Variants in ABCA8 observed in about 807,000 individuals in gnomAD.
ABCA8 encodes the protein ABC-type organic anion transporter ABCA8.
Under a neutral mutation model 192.3 loss-of-function variants are expected in ABCA8, and 177 were observed. The ratio of observed to expected loss-of-function variants is 0.92; its 90% CI spans 0.81 to 1.04. ABCA8 has a LOEUF of 1.04. Ranked by LOEUF, ABCA8 falls within the 50% of genes least tolerant of loss-of-function variation. The probability of loss-of-function intolerance (pLI) is 0.00; values close to 1 mark genes in which losing one functional copy is unlikely to be tolerated. For synonymous variants in ABCA8, 642 were observed against 690.2 expected (o/e 0.93, Z 1.09); for missense variants, 1,915 against 1,904.8 (o/e 1.01, Z -0.10).
In ABCA8 at chr17:68,940,669, A is replaced by T. The variant is rs553223000; in HGVS notation, c.301+89T>A. On this transcript the variant is annotated intron_variant, in intron 4 of 39. Coordinates refer to ENST00000586539, the MANE Select transcript of ABCA8 (RefSeq NM_001288985.2). ...GTACTCCAGAAAGTTTAATTATCAAACTGAAATACAAATTAAATGTATAAA... is the reference window on the plus strand; with the variant it reads ...GTACTCCAGAAAGTTTAATTATCAATCTGAAATACAAATTAAATGTATAAA... The T allele has an allele frequency of 1.7e-4, 209 of 1,238,184 alleles. 2 individuals carry two copies. The East Asian group carries it at 4.9e-3, about 29-fold the overall frequency. The allele number at this position is 1,238,184 out of a possible 1,614,324, so 76.7% of individuals were successfully genotyped here.
Position 68,873,083 on chromosome 17 carries a change from T to C in ABCA8, c.4631+2177A>G, listed in dbSNP as rs889371725. Among the ~76,000 whole-genome samples, 10 of 152,340 alleles carry C rather than the reference T, an allele frequency of 6.6e-5. 1 individual carries two copies. Among genetic ancestry groups the C allele is most frequent in the Admixed American group, 5.2e-4 (8 of 15,306 alleles). On this transcript the variant is annotated intron_variant, in intron 37 of 39. Transcript: ENST00000586539. ...CCAGGCCTTCGCATTCACTCACCAC[T>C]GTCTCACCAATGGTCGCCCAGAGCT...
rs577738270 is a variant in ABCA8, at chr17:68,918,312, T to C, written c.1908+115A>G. Reference sequence around the variant, plus strand: ...GTTAGGATTTAGATACTCTATTTAATGTTCTATTATGAATATTTTATAACA... The same window carrying C: ...GTTAGGATTTAGATACTCTATTTAACGTTCTATTATGAATATTTTATAACA... On this transcript the variant is annotated intron_variant, in intron 15 of 39. Transcript: ENST00000586539. 1.6e-5 allele frequency: 23 copies of C among 1,464,480 alleles called. No homozygotes were observed. The Admixed American group carries it at 4.0e-4, about 25-fold the overall frequency. The allele number at this position is 1,464,480 out of a possible 1,614,324, so 90.7% of individuals were successfully genotyped here.
chr17:68,875,489 A>T, intron 36 of ABCA8, 89 bp from the exon 37 acceptor site: 1 of 1,597,864 alleles, frequency 6.3e-7, no homozygotes, highest in Non-Finnish European at 8.5e-7. Flanking sequence ...GCATTGTCTC[A>T]AGGTCCCTAT....
intron 32 of ABCA8, 153 bp downstream of exon 32, chr17:68,880,967 T>C: frequency 3.0e-6 from 2 of 658,030 alleles, no homozygotes; most frequent in East Asian, 2.8e-5. Context: ...TTTGTGTGCA[T>C]TTATGTGATA....
Position 68,885,308 on chromosome 17 carries a change from AC to A in ABCA8, c.3436del (p.Val1146TyrfsTer23), listed in dbSNP as rs761012621. The A allele has an allele frequency of 6.2e-7, 1 of 1,610,038 alleles. No homozygotes were observed. The highest frequency in any genetic ancestry group is 1.3e-5 in the African/African-American group (1 of 74,794). ...IWSFCFYVVT[V>X]FSVAGFAFSI... ...GAACGCAAATCCAGCCACAGAGAAT[AC>A]AGTGACCTAAAAGAAGCAAATATGA... On this transcript the variant is annotated frameshift_variant, in exon 27 of 40. Coordinates refer to ENST00000586539, the MANE Select transcript of ABCA8 (RefSeq NM_001288985.2). LOFTEE classifies it high-confidence loss of function.
intron 2 of ABCA8, among the ~76,000 whole-genome samples, chr17:68,942,942 T>A (rs988171232): frequency 2.0e-5 from 3 of 152,150 alleles, no homozygotes; most frequent in African/African-American, 4.8e-5. Flanking sequence ...AATAAATACA[T>A]CCTTGAACAC....
intron 17 of ABCA8, among the ~76,000 whole-genome samples, chr17:68,912,137 C>CAGAGT (rs1327794627): frequency 2.0e-5 from 3 of 152,086 alleles, no homozygotes; most frequent in African/African-American, 7.2e-5. Flanking sequence ...GGACCAATAC[C>CAGAGT]AGAGTGACAA....
Position 68,927,973 on chromosome 17 carries a change from C to T in ABCA8, c.1216G>A (p.Ala406Thr). The T allele has an allele frequency of 1.2e-6, 2 of 1,606,974 alleles. No individual in the cohort carries two copies. ...NLIVATNFML[A>T]FDTCLYLALA... ...GCCAGATAGAGGCAAGTGTCAAATG[C>T]CAACATGAAATTTGTTGCTACAATG... The change falls in exon 10 of 40, where the codon GCA (alanine) becomes ACA (threonine). Residue 406 changes from alanine to threonine, a missense_variant. By Grantham distance (58) the Ala-to-Thr change is moderately conservative. Coordinates refer to ENST00000586539, the MANE Select transcript of ABCA8 (RefSeq NM_001288985.2).
At chr17:68,881,310 G>A (rs2066329607) in intron 31 of ABCA8, 99 bp from the exon 32 acceptor site, 1 of 864,126 alleles carries the variant, frequency 1.2e-6, no homozygotes, top group Non-Finnish European at 1.8e-6. Flanking sequence ...TTTGCTATTA[G>A]TTGTCATTTA....
chr17:68,917,470 A>T lies in ABCA8; in HGVS notation c.2048-19T>A, dbSNP rs2143598110. The T allele has an allele frequency of 6.3e-7, 1 of 1,581,500 alleles. No homozygotes were observed. The highest frequency in any genetic ancestry group is 2.2e-5 in the East Asian group (1 of 44,592). The stretch of plus-strand genomic sequence containing the variant: ...TTCCTGTCTGAAAAAGAAGAAGAGC[A>T]AAGAAGAAAGTTTGTTAAAAAGTGG... On this transcript the variant is annotated intron_variant, in intron 16 of 39. Transcript: ENST00000586539.
intron 31 of ABCA8, among the ~76,000 whole-genome samples, chr17:68,881,536 C>T (rs2066335623): frequency 6.6e-6 from 1 of 152,214 alleles, no homozygotes; most frequent in Admixed American, 6.5e-5. Flanking sequence ...GCTGGCCAAG[C>T]CTTCAGAGTG....
rs1210687746 is a variant in ABCA8, at chr17:68,918,538, C to T, written c.1797G>A (p.Arg599=). The T allele has an allele frequency of 1.3e-6, 2 of 1,499,576 alleles. No individual in the cohort carries two copies. The highest frequency in any genetic ancestry group is 2.5e-5 in the East Asian group (1 of 40,794). 92.9% of individuals were successfully genotyped at this position (1,499,576 alleles called of 1,614,324 possible). A position where few individuals can be genotyped will look rare whatever the true frequency, so the allele number is the denominator to read the frequency against. ...LPQEVDKEIQ[R]VLLELEMKNI... is the part of the protein sequence containing the mutation. ...TTTTCATTTCCAATTCCAGCAGAAC[C>T]CTTTGTATCTAACCAAAAGACAGTA... Residue 599 remains arginine, a synonymous_variant, in exon 15 of 40, where the codon AGG becomes AGA. Transcript: ENST00000586539.
chr17:68,932,011 C>A (rs59948490), intron 7 of ABCA8: 10,758 of 238,304 alleles, frequency 0.045, 1,026 homozygotes, highest in African/African-American at 0.21. Context: ...GAGATCGAGA[C>A]CATCCTGGCT....
Position 68,906,124 on chromosome 17 carries a change from A to G in ABCA8, c.2318T>C (p.Ile773Thr). The G allele has an allele frequency of 6.2e-7, 1 of 1,601,570 alleles. No individual in the cohort carries two copies. The highest frequency in any genetic ancestry group is 8.5e-7 in the Non-Finnish European group (1 of 1,174,406). ...TGTCATGGAAACACCATAATTCTCA[A>G]TTCCTAGGTCAGGATAGCTATCAAG... ...KDLDSYPDLG[I>T]ENYGVSMTTL... is the part of the protein sequence containing the mutation. Residue 773 changes from isoleucine (I) to threonine (T), a missense_variant, in exon 19 of 40, where the codon ATT becomes ACT. Coordinates refer to ENST00000586539, the MANE Select transcript of ABCA8 (RefSeq NM_001288985.2).
In ABCA8 at chr17:68,867,814, A is replaced by G. The variant is rs77073659; in HGVS notation, c.*271T>C. ...ATCTAGAAACTTATACGATCATGTA[A>G]AAGTAAATTTATTTATTCAGTATTA... On this transcript the variant is annotated 3_prime_UTR_variant, in exon 40 of 40. Transcript: ENST00000586539. The G allele has an allele frequency of 2.1e-3, 546 of 258,468 alleles. 2 individuals carry two copies. Among genetic ancestry groups the G allele is most frequent in the African/African-American group, 0.011 (520 of 45,336 alleles). The allele number at this position is 258,468 out of a possible 1,614,324, so 16.0% of individuals were successfully genotyped here. A position where few individuals can be genotyped will look rare whatever the true frequency, so the allele number is the denominator to read the frequency against.
Position 68,929,174 on chromosome 17 carries a change from C to T in ABCA8, c.1000G>A (p.Val334Met), listed in dbSNP as rs138246161. 219 of 1,610,228 alleles carry T rather than the reference C, an allele frequency of 1.4e-4. No individual in the cohort carries two copies. Among genetic ancestry groups the T allele is most frequent in the Non-Finnish European group, 1.4e-4 (165 of 1,177,954 alleles). Residue 334 changes from valine to methionine, a missense_variant, in exon 9 of 40, where the codon GTG (valine) becomes ATG (methionine). Val to Met is a conservative substitution (Grantham distance 21). Transcript: ENST00000586539. ...CCCCAAAAGACAGTGAGGAGGAACA[C>T]GACCAGGCCGGTGAGGAAAGATTTC... ...VKKSFLTGLV[V>M]FLLTVFWGCL... is the part of the protein sequence containing the mutation.
intron 37 of ABCA8, among the ~76,000 whole-genome samples, chr17:68,872,083 A>G (rs1404851456): frequency 6.6e-6 from 1 of 152,120 alleles, no homozygotes; most frequent in Non-Finnish European, 1.5e-5. Context: ...ATTACTGGGT[A>G]TATACCCAAA....
rs774407501 is a variant in ABCA8 at position 68,902,751 on chromosome 17, T to C, written c.2726A>G (p.His909Arg). Residue 909 changes from histidine (H) to arginine (R), a missense_variant, in exon 21 of 40, where the codon CAT becomes CGT. His to Arg is a conservative substitution (Grantham distance 29, BLOSUM62 0). Coordinates refer to ENST00000586539, the MANE Select transcript of ABCA8 (RefSeq NM_001288985.2). ...GATCAGTAGTTGAGTGAGAGGGTCA[T>C]GTGGTTGTTGTCCAGGAGCAAGGAA... ...LYFLAPGQQP[H>R]DPLTQLLIIN... The C allele has an allele frequency of 6.2e-7, 1 of 1,613,820 alleles. No homozygotes were observed. The highest frequency in any genetic ancestry group is 2.2e-5 in the East Asian group (1 of 44,838).
chr17:68,867,344 G>A lies in ABCA8; in HGVS notation c.*741C>T, dbSNP rs2065946442. The A allele has an allele frequency of 6.6e-6, 1 of 152,088 alleles. No homozygotes were observed. The highest frequency in any genetic ancestry group is 2.4e-5 in the African/African-American group (1 of 41,394). The allele number at this position is 152,088 out of a possible 1,614,324, so 9.4% of individuals were successfully genotyped here. Reference sequence around the variant, plus strand: ...ACATTTTCTACCTACTCAGTCATGTGAGCTGTTGCTACATTTGTGAACTTT... The same window carrying A: ...ACATTTTCTACCTACTCAGTCATGTAAGCTGTTGCTACATTTGTGAACTTT... On this transcript the variant is annotated 3_prime_UTR_variant, in exon 40 of 40. Transcript: ENST00000586539.
Sources: allele counts gnomAD v4.1 joint callset (sites outside exome capture counted in the v4.1 genomes callset), GRCh38; gene constraint gnomAD v4.1.1; transcripts MANE v1.5; gene names NCBI Gene and HGNC (gene_info 2026-07-23, HGNC 2026-07-21).